Variants in KIAA1549L observed in about 807,000 individuals in gnomAD.
KIAA1549L encodes the protein UPF0606 protein KIAA1549L.
KIAA1549L carries 88 observed loss-of-function variants against 160.7 expected under a neutral mutation model. The observed-to-expected ratio is 0.55, with a 90% CI of 0.46 to 0.65. The LOEUF (loss-of-function observed/expected upper bound fraction) is 0.65, where lower values mean the gene tolerates loss of function less well. Ranked by LOEUF, KIAA1549L falls within the 30% of genes least tolerant of loss-of-function variation. The pLI is 0.00. For synonymous variants in KIAA1549L, 950 were observed against 976.7 expected (o/e 0.97, Z 0.51); for missense variants, 2,258 against 2,437.5 (o/e 0.93, Z 1.55).
At chr11:33,554,961 T>C (rs912571591) in intron 6 of KIAA1549L, among the ~76,000 whole-genome samples, 1 of 151,966 alleles carries the variant, frequency 6.6e-6, no homozygotes, top group African/African-American at 2.4e-5. Context: ...AGTTAAAGAG[T>C]GACAGGAAAG....
intron 1 of KIAA1549L, among the ~76,000 whole-genome samples, chr11:33,454,502 C>A (rs1213707200): frequency 2.0e-5 from 3 of 152,108 alleles, no homozygotes; most frequent in Non-Finnish European, 4.4e-5. Flanking sequence ...AGCTCAGTGA[C>A]CCTGAGGGCT....
At chr11:33,603,612 G>A (rs2133314938) in intron 13 of KIAA1549L, among the ~76,000 whole-genome samples, 1 of 152,174 alleles carries the variant, frequency 6.6e-6, no homozygotes, top group African/African-American at 2.4e-5. Context: ...TTCGAGACCA[G>A]CCTGGCCAAC....
At chr11:33,480,642 G>GT in intron 1 of KIAA1549L, among the ~76,000 whole-genome samples, 1 of 152,166 alleles carries the variant, frequency 6.6e-6, no homozygotes, top group Non-Finnish European at 1.5e-5. Flanking sequence ...TTTTGGGGAA[G>GT]GATCTCTGGT....
At chr11:33,422,954 A>G (rs920759018) in intron 1 of KIAA1549L, among the ~76,000 whole-genome samples, 4 of 152,136 alleles carry the variant, frequency 2.6e-5, no homozygotes, top group African/African-American at 9.7e-5. Context: ...AAATCCATCA[A>G]TTTGGTTCCC....
At chr11:33,606,533 T>G in intron 13 of KIAA1549L, 108 bp from the exon 14 acceptor site, 53 of 1,028,930 alleles carry the variant, frequency 5.2e-5, no homozygotes, top group Non-Finnish European at 5.6e-5. Flanking sequence ...GTTTCTGAGG[T>G]TGTTTTGAGT....
At chr11:33,489,546 A>G (rs76294406) in intron 1 of KIAA1549L, among the ~76,000 whole-genome samples, 2,655 of 152,316 alleles carry the variant, frequency 0.017, 78 homozygotes, top group African/African-American at 0.061. Context: ...CAGTCCAGTT[A>G]GTAATGGAGG....
intron 1 of KIAA1549L, among the ~76,000 whole-genome samples, chr11:33,415,525 C>T (rs138477004): frequency 1.3e-5 from 2 of 152,264 alleles, no homozygotes; most frequent in African/African-American, 4.8e-5. Flanking sequence ...GGTCCTGTTG[C>T]AGTGGAAGGC....
At chr11:33,405,914 T>G (rs1850640974) in intron 1 of KIAA1549L, among the ~76,000 whole-genome samples, 1 of 150,050 alleles carries the variant, frequency 6.7e-6, no homozygotes, top group African/African-American at 2.4e-5. Context: ...GGTCTTGTTA[T>G]CCCCATTTTT....
At chr11:33,480,854 A>G (rs1852397160) in intron 1 of KIAA1549L, among the ~76,000 whole-genome samples, 1 of 152,214 alleles carries the variant, frequency 6.6e-6, no homozygotes, top group Non-Finnish European at 1.5e-5. Context: ...CCCCCATCAG[A>G]AGCCCAGCTC....
intron 12 of KIAA1549L, among the ~76,000 whole-genome samples, chr11:33,597,153 T>A (rs985737554): frequency 6.6e-6 from 1 of 152,200 alleles, no homozygotes; most frequent in Non-Finnish European, 1.5e-5. Flanking sequence ...TCAGAGCCTT[T>A]GATATGCTAA....
At chr11:33,530,436 A>T (rs922481713) in intron 1 of KIAA1549L, among the ~76,000 whole-genome samples, 140 of 11,410 alleles carry the variant, frequency 0.012, 1 homozygote, top group South Asian at 0.033. Flanking sequence ...AAAAAAAAAA[A>T]ATATATATAT....
At chr11:33,427,286 T>G (rs1470264267) in intron 1 of KIAA1549L, among the ~76,000 whole-genome samples, 1 of 152,184 alleles carries the variant, frequency 6.6e-6, no homozygotes, top group East Asian at 1.9e-4. Flanking sequence ...TACCACTGCC[T>G]TAACCTGGCT....
chr11:33,390,593 G>A (rs1850254628), intron 1 of KIAA1549L, among the ~76,000 whole-genome samples: 1 of 152,220 alleles, frequency 6.6e-6, no homozygotes. Context: ...AGAGGCCAGA[G>A]GAGAAGGGGC....
intron 1 of KIAA1549L, among the ~76,000 whole-genome samples, chr11:33,455,985 G>C (rs1851813606): frequency 1.3e-5 from 2 of 152,204 alleles, no homozygotes; most frequent in Admixed American, 1.3e-4. Flanking sequence ...GTGGTCTGAT[G>C]TGTGAGTGAT....
intron 16 of KIAA1549L, among the ~76,000 whole-genome samples, chr11:33,643,559 T>C (rs1015053598): frequency 5.3e-5 from 8 of 152,134 alleles, no homozygotes; most frequent in African/African-American, 1.9e-4. Flanking sequence ...TAAGCCTCCG[T>C]TATGTATCAG....
chr11:33,451,690 G>C (rs1231160765), intron 1 of KIAA1549L, among the ~76,000 whole-genome samples: 1 of 152,178 alleles, frequency 6.6e-6, no homozygotes, highest in Non-Finnish European at 1.5e-5. Context: ...TTACTCCTAA[G>C]CTATGTTTCA....
intron 1 of KIAA1549L, among the ~76,000 whole-genome samples, chr11:33,440,440 C>T (rs1336326521): frequency 1.3e-5 from 2 of 152,150 alleles, no homozygotes; most frequent in African/African-American, 4.8e-5. Context: ...TATTTTGTTT[C>T]TTTATTAACT....
intron 4 of KIAA1549L, among the ~76,000 whole-genome samples, chr11:33,549,530 A>G (rs1029090314): frequency 2.0e-5 from 3 of 152,202 alleles, no homozygotes; most frequent in Admixed American, 2.0e-4. Context: ...TCCACGTTCC[A>G]TGCTGAAATA....
Position 33,555,079 on chromosome 11 carries a change from A to G in KIAA1549L, c.3855+2838A>G, listed in dbSNP as rs7942306. Among the ~76,000 whole-genome samples, 1,180 of 142,684 alleles carry G rather than the reference A, an allele frequency of 8.3e-3. 20 individuals are homozygous for G. Among genetic ancestry groups the G allele is most frequent in the African/African-American group, 0.03 (1,114 of 37,436 alleles). 93.6% of individuals were successfully genotyped at this position (142,684 alleles called of 152,430 possible). ...CTTATTTTTGGAGCTAGTCTTAAGT[A>G]TACATCAAGAATGACCTCACTTTTC... On this transcript the variant is annotated intron_variant, in intron 6 of 20. Coordinates refer to ENST00000658780, the MANE Select transcript of KIAA1549L (RefSeq NM_012194.3).
Sources: allele counts gnomAD v4.1 joint callset (sites outside exome capture counted in the v4.1 genomes callset), GRCh38; gene constraint gnomAD v4.1.1; transcripts MANE v1.5; gene names NCBI Gene and HGNC (gene_info 2026-07-23, HGNC 2026-07-21).